The following TSHZ3 variants were observed in gnomAD, a reference collection of about 807,000 sequenced individuals.
TSHZ3 encodes teashirt zinc finger homeobox 3, also known as teashirt homolog 3.
A neutral mutation model predicts 64.5 loss-of-function variants in TSHZ3; 10 were observed. The observed-to-expected ratio is 0.16, with a 90% confidence interval of 0.10 to 0.26. The LOEUF (loss-of-function observed/expected upper bound fraction) is 0.26, where lower values mean the gene tolerates loss of function less well. Ranked by LOEUF, TSHZ3 falls within the 10% of genes least tolerant of loss-of-function variation. TSHZ3 has a pLI of 1.00. For synonymous variants in TSHZ3, 608 were observed against 593.1 expected (o/e 1.03, Z -0.36); for missense variants, 1,242 against 1,421.7 (o/e 0.87, Z 2.03).
At chr19:31,327,816 C>T (rs775527833) in intron 1 of TSHZ3, among the ~76,000 whole-genome samples, 14 of 152,058 alleles carry the variant, frequency 9.2e-5, no homozygotes, top group Non-Finnish European at 1.3e-4. Context: ...CAAAATGAAA[C>T]GAATTGCACT....
chr19:31,323,977 A>G (rs1599648849), intron 1 of TSHZ3, among the ~76,000 whole-genome samples: 1 of 151,634 alleles, frequency 6.6e-6, no homozygotes, highest in African/African-American at 2.4e-5. Flanking sequence ...ACCCTCATTC[A>G]AGGCATCACC....
chr19:31,260,031 T>C (rs989326568), intron 1 of TSHZ3, among the ~76,000 whole-genome samples: 9 of 152,316 alleles, frequency 5.9e-5, no homozygotes, highest in African/African-American at 2.2e-4. Flanking sequence ...TCTTTCATAC[T>C]TCCTTCTGCT....
intron 4 of TSHZ3, among the ~76,000 whole-genome samples, chr19:31,225,075 T>G (rs1425244777): frequency 6.6e-6 from 1 of 152,222 alleles, no homozygotes; most frequent in African/African-American, 2.4e-5. Flanking sequence ...CAAATTCTAC[T>G]GCACCCTGAC....
intron 1 of TSHZ3, among the ~76,000 whole-genome samples, chr19:31,281,339 C>T (rs148314192): frequency 2.7e-3 from 406 of 152,218 alleles, no homozygotes; most frequent in African/African-American, 9.4e-3. Flanking sequence ...TGCTCCTAAG[C>T]CCCCTACTTT....
intron 3 of TSHZ3, among the ~76,000 whole-genome samples, chr19:31,241,781 C>T (rs1442180263): frequency 6.6e-6 from 1 of 152,248 alleles, no homozygotes; most frequent in Non-Finnish European, 1.5e-5. Context: ...AATCTCCTCA[C>T]ATGAGCTTCC....
chr19:31,294,037 C>G (rs1226542110), intron 1 of TSHZ3, among the ~76,000 whole-genome samples: 1 of 152,154 alleles, frequency 6.6e-6, no homozygotes, highest in Non-Finnish European at 1.5e-5. Context: ...CAGTAAGAAC[C>G]AGGGCCACCA....
chr19:31,277,400 T>C lies in TSHZ3; in HGVS notation c.2393A>G (p.Asp798Gly). ...QPIDLTKGKSDKGCSLGSVLL... is the reference protein window; with the variant it reads ...QPIDLTKGKSGKGCSLGSVLL... Reference sequence around the variant, plus strand: ...CACTGAACCCAAGGAGCAGCCTTTGTCACTCTTCCCTTTTGTCAAGTCTAT... The same window carrying C: ...CACTGAACCCAAGGAGCAGCCTTTGCCACTCTTCCCTTTTGTCAAGTCTAT... Residue 798 changes from aspartate to glycine, a missense_variant, in exon 2 of 2, where the codon GAC (aspartate) becomes GGC (glycine). Physicochemically the swap from Asp to Gly is moderately conservative, Grantham distance 94. Transcript: ENST00000240587. The surrounding 1 kb of genome is among the most constrained non-coding windows in gnomAD (Gnocchi z 4.5). 1 of 1,614,180 alleles carries C rather than the reference T, an allele frequency of 6.2e-7. No homozygotes were observed. The highest frequency in any genetic ancestry group is 1.1e-5 in the South Asian group (1 of 91,076).
intron 5 of TSHZ3, among the ~76,000 whole-genome samples, chr19:31,187,811 A>G (rs1437795010): frequency 6.6e-6 from 1 of 152,050 alleles, no homozygotes; most frequent in East Asian, 1.9e-4. Context: ...ACCAATGCAA[A>G]CTGTCTTGAT....
chr19:31,317,083 G>A (rs149586720), intron 1 of TSHZ3, among the ~76,000 whole-genome samples: 397 of 152,216 alleles, frequency 2.6e-3, no homozygotes, highest in African/African-American at 9.1e-3. Flanking sequence ...AAATTTAGTC[G>A]CAGGAGACTT....
chr19:31,320,327 T>G (rs76345599), intron 1 of TSHZ3, among the ~76,000 whole-genome samples: 1 of 152,350 alleles, frequency 6.6e-6, no homozygotes, highest in African/African-American at 2.4e-5. Context: ...TAGTCCTTTT[T>G]GACTTGCTTT....
chr19:31,290,548 C>T (rs1430553314), intron 1 of TSHZ3, among the ~76,000 whole-genome samples: 2 of 152,056 alleles, frequency 1.3e-5, no homozygotes, highest in Non-Finnish European at 1.5e-5. Context: ...TACCTGGTAC[C>T]GAGGAGGTGA....
chr19:31,296,172 C>T (rs796159054), intron 1 of TSHZ3, among the ~76,000 whole-genome samples: 7 of 151,514 alleles, frequency 4.6e-5, no homozygotes, highest in African/African-American at 1.7e-4. Flanking sequence ...GTGAAATAAT[C>T]CTGGCCTGGA....
rs183994818 is a variant in TSHZ3 at position 31,328,957 on chromosome 19, C to A, written c.40+20223G>T. 3.3e-3 allele frequency among the ~76,000 whole-genome samples: 508 copies of A among 152,278 alleles called. 3 individuals carry two copies. The highest frequency in any genetic ancestry group is 5.9e-3 in the Non-Finnish European group (400 of 68,022). On this transcript the variant is annotated intron_variant, in intron 1 of 1. Coordinates refer to ENST00000240587, the MANE Select transcript of TSHZ3 (RefSeq NM_020856.4). ...GCTCCCAATCACTGTTCACCAATCT[C>A]ACTTGCGGAAGAGTTGGTAGTCAAC...
intron 5 of TSHZ3, among the ~76,000 whole-genome samples, chr19:31,192,947 C>T (rs879912419): frequency 1.3e-5 from 2 of 152,094 alleles, no homozygotes; most frequent in African/African-American, 4.8e-5. Context: ...GTGGGAGAAG[C>T]CTTTGCTGTA....
chr19:31,247,058 T>C (rs1168858614), intron 1 of TSHZ3, among the ~76,000 whole-genome samples: 1 of 152,194 alleles, frequency 6.6e-6, no homozygotes, highest in Non-Finnish European at 1.5e-5. Flanking sequence ...GAAAAGCTCT[T>C]CCTTGCAGTA....
chr19:31,248,486 G>C (rs1405077465), intron 1 of TSHZ3, among the ~76,000 whole-genome samples: 1 of 152,152 alleles, frequency 6.6e-6, no homozygotes, highest in Non-Finnish European at 1.5e-5. Context: ...CAATACTGCG[G>C]AGAAGCTGTG....
intron 1 of TSHZ3, among the ~76,000 whole-genome samples, chr19:31,281,539 C>G (rs1447796823): frequency 6.6e-6 from 1 of 152,118 alleles, no homozygotes. Flanking sequence ...GAAGAGAGTG[C>G]CCTGCTGCAG....
At chr19:31,306,972 T>G (rs1381289716) in intron 1 of TSHZ3, among the ~76,000 whole-genome samples, 1 of 151,852 alleles carries the variant, frequency 6.6e-6, no homozygotes, top group Non-Finnish European at 1.5e-5. Flanking sequence ...AGACTTGGAG[T>G]CCTCCTTTCT....
chr19:31,150,285 T>G (rs1974222425), exon 7 of TSHZ3, among the ~76,000 whole-genome samples: 1 of 152,218 alleles, frequency 6.6e-6, no homozygotes, highest in South Asian at 2.1e-4. Context: ...GGGCTCTTTC[T>G]GTCTTGCTTC....
Sources: allele counts gnomAD v4.1 joint callset (sites outside exome capture counted in the v4.1 genomes callset), GRCh38; gene constraint gnomAD v4.1.1; non-coding constraint Gnocchi (gnomAD v3.1); transcripts MANE v1.5; gene names NCBI Gene and HGNC (gene_info 2026-07-23, HGNC 2026-07-21).